OPHN1: variants seen among roughly 807,000 people sequenced by gnomAD.
OPHN1 encodes the protein oligophrenin 1, also known as oligophrenin-1.
OPHN1 carries 11 observed loss-of-function variants against 60.7 expected under a neutral mutation model. That is an observed-to-expected ratio of 0.18 (90% CI 0.11 to 0.30). The LOEUF (loss-of-function observed/expected upper bound fraction) is 0.30. OPHN1 is among the 10% of genes least tolerant of loss of function. OPHN1 has a pLI of 1.00. For missense variants in OPHN1, 449 were observed against 611.0 expected (o/e 0.73, Z 2.80); for synonymous variants, 226 against 222.6 (o/e 1.02, Z -0.14).
intron 2 of OPHN1, among the ~76,000 whole-genome samples, chrX:68,381,992 G>C (rs2078599319): frequency 1.8e-5 from 2 of 111,767 alleles, no homozygotes; most frequent in Non-Finnish European, 3.8e-5. Flanking sequence ...ATGAAAAGGA[G>C]TGAAAACTGT....
intron 15 of OPHN1, among the ~76,000 whole-genome samples, chrX:68,177,465 T>C (rs1488061058): frequency 1.8e-5 from 2 of 111,492 alleles, no homozygotes; most frequent in Non-Finnish European, 3.8e-5. Context: ...CAGTCACAGC[T>C]AGATAATCTG....
intron 15 of OPHN1, among the ~76,000 whole-genome samples, chrX:68,179,044 T>C (rs2077425988): frequency 8.9e-6 from 1 of 112,334 alleles, no homozygotes; most frequent in Non-Finnish European, 1.9e-5. Context: ...CCTTTTAGCA[T>C]TCCAAGCTTT....
chrX:68,330,871 CTA>C (rs1168937036), intron 2 of OPHN1, among the ~76,000 whole-genome samples: 1 of 105,545 alleles, frequency 9.5e-6, no homozygotes, highest in Non-Finnish European at 1.9e-5. Context: ...ATTTATATAA[CTA>C]AAATATTTAA....
At chrX:68,088,522 T>C (rs1000356915) in intron 19 of OPHN1, among the ~76,000 whole-genome samples, 8 of 111,424 alleles carry the variant, frequency 7.2e-5, no homozygotes, top group African/African-American at 2.0e-4. Flanking sequence ...CCATAAACAA[T>C]GGTGTAACAG....
rs376442667 is a variant in OPHN1 at position 68,155,819 on chromosome X, C to A, written c.1277-36487G>T. ...ACTGGGATAATGTAGAGAAAGAGTT[C>A]TTGTTTCTCTACAATAGGTTTCAAA... On this transcript the variant is annotated intron_variant, in intron 15 of 24. Coordinates refer to ENST00000355520, the MANE Select transcript of OPHN1 (RefSeq NM_002547.3). 2.7e-5 allele frequency among the ~76,000 whole-genome samples: 3 copies of A among 111,799 alleles called. No individual in the cohort carries two copies. In the East Asian group the frequency reaches 8.4e-4, roughly 31 times the overall value.
At chrX:68,416,063 TATATAG>T (rs1213408070) in intron 2 of OPHN1, among the ~76,000 whole-genome samples, 13 of 6,332 alleles carry the variant, frequency 2.1e-3, no homozygotes, top group East Asian at 9.8e-3. Flanking sequence ...TATATATATA[TATATAG>T]AGAGAGAGAG....
chrX:68,085,949 C>A (rs954184178), intron 19 of OPHN1, among the ~76,000 whole-genome samples: 1 of 111,238 alleles, frequency 9.0e-6, no homozygotes, highest in Non-Finnish European at 1.9e-5. Context: ...GAGGCTGAGG[C>A]AGGAGGATCA....
At chrX:68,382,986 G>A (rs1420293986) in intron 2 of OPHN1, among the ~76,000 whole-genome samples, 1 of 110,957 alleles carries the variant, frequency 9.0e-6, no homozygotes, top group Non-Finnish European at 1.9e-5. Flanking sequence ...CCACTTGGGA[G>A]GAAGAATGAG....
intron 15 of OPHN1, among the ~76,000 whole-genome samples, chrX:68,148,527 A>T (rs5964642): frequency 0.47 from 51,201 of 108,904 alleles, 10,500 homozygotes; most frequent in South Asian, 0.71. Context: ...AAATGGTAAC[A>T]AGCAGAATAT....
chrX:68,061,292 C>T (rs1398124292), intron 21 of OPHN1, among the ~76,000 whole-genome samples: 1 of 111,362 alleles, frequency 9.0e-6, no homozygotes, highest in Non-Finnish European at 1.9e-5. Context: ...CGCCAGCAGC[C>T]CAGGGTAGGA....
rs1317501621 is a variant in OPHN1, at chrX:68,339,766, C to A, written c.155-40670G>T. Reference sequence around the variant, plus strand: ...TATAGGCATGTGCCACCGTGCCCAGCTAATTTTTATATTTTTAATAGTGAC... The same window carrying A: ...TATAGGCATGTGCCACCGTGCCCAGATAATTTTTATATTTTTAATAGTGAC... On this transcript the variant is annotated intron_variant, in intron 2 of 24. Coordinates refer to ENST00000355520, the MANE Select transcript of OPHN1 (RefSeq NM_002547.3). 3.6e-5 allele frequency among the ~76,000 whole-genome samples: 4 copies of A among 110,800 alleles called. No individual in the cohort carries two copies. The Admixed American group carries it at 3.9e-4, about 11-fold the overall frequency.
intron 15 of OPHN1, among the ~76,000 whole-genome samples, chrX:68,145,552 C>G (rs1009197098): frequency 1.8e-5 from 2 of 111,292 alleles, no homozygotes; most frequent in African/African-American, 6.5e-5. Context: ...AAGCAAACAC[C>G]CATGTACTAA....
chrX:68,059,818 T>C (rs2076886694), intron 21 of OPHN1, among the ~76,000 whole-genome samples: 1 of 111,100 alleles, frequency 9.0e-6, no homozygotes, highest in Non-Finnish European at 1.9e-5. Context: ...AAAGTCCCAG[T>C]CCATGGTGTG....
At chrX:68,153,855 G>A (rs2077296779) in intron 15 of OPHN1, among the ~76,000 whole-genome samples, 1 of 111,577 alleles carries the variant, frequency 9.0e-6, no homozygotes, top group Non-Finnish European at 1.9e-5. Context: ...GGGGATTTAT[G>A]ATATAGTGGT....
chrX:68,426,801 T>C (rs1405569188), intron 2 of OPHN1, among the ~76,000 whole-genome samples: 1 of 96,304 alleles, frequency 1.0e-5, no homozygotes, highest in Non-Finnish European at 2.1e-5. Context: ...AGCCCAGGAG[T>C]TCGAAGTTGC....
intron 2 of OPHN1, among the ~76,000 whole-genome samples, chrX:68,324,884 T>G (rs867461029): frequency 3.5e-5 from 3 of 86,300 alleles, no homozygotes; most frequent in Admixed American, 2.6e-4. Flanking sequence ...TCCACAAAAG[T>G]AAAAAAAAAA....
chrX:68,376,892 C>A (rs1036748481), intron 2 of OPHN1, among the ~76,000 whole-genome samples: 5 of 109,512 alleles, frequency 4.6e-5, no homozygotes, highest in African/African-American at 1.7e-4. Flanking sequence ...GATGACTATA[C>A]AACTAATGAA....
intron 2 of OPHN1, among the ~76,000 whole-genome samples, chrX:68,382,275 A>G (rs1039005424): frequency 9.0e-6 from 1 of 111,024 alleles, no homozygotes; most frequent in African/African-American, 3.3e-5. Context: ...TGAATCTGGG[A>G]GGCAGAGGTT....
In OPHN1 at chrX:68,410,417, G is replaced by T. The variant is rs961812666; in HGVS notation, c.154+22450C>A. Among the ~76,000 whole-genome samples, 8 of 110,627 alleles carry T rather than the reference G, an allele frequency of 7.2e-5. No individual in the cohort carries two copies. The South Asian group carries it at 3.1e-3, about 43-fold the overall frequency. On this transcript the variant is annotated intron_variant, in intron 2 of 24. Transcript: ENST00000355520. ...GAGCAAAAAAACAACAACAAAAAAG[G>T]CCAGTGCAGTGGTTCACGCCTGTAA...
Sources: gnomAD v4.1 joint callset for allele counts (sites outside exome capture counted in the v4.1 genomes callset) on GRCh38, gnomAD v4.1.1 for gene constraint, MANE v1.5 for transcripts, NCBI Gene and HGNC (gene_info 2026-07-23, HGNC 2026-07-21) for gene names.